LDB2: variants seen among roughly 807,000 people sequenced by gnomAD.
The protein encoded by LDB2 is LIM domain binding 2, also known as LIM domain-binding protein 2.
Under a neutral mutation model 44.3 loss-of-function variants are expected in LDB2, and 12 were observed. That is an observed-to-expected ratio of 0.27 (90% CI 0.17 to 0.44). The LOEUF is 0.44. LDB2 is among the 20% of genes least tolerant of loss of function. The pLI, the probability that LDB2 is intolerant of heterozygous loss-of-function variation, is 1.00. For synonymous variants in LDB2, 164 were observed against 174.8 expected (o/e 0.94, Z 0.49); for missense variants, 344 against 473.5 (o/e 0.73, Z 2.54).
rs1367971324 is a variant in LDB2 at position 16,862,132 on chromosome 4, C to T, written c.132+36222G>A. Among the ~76,000 whole-genome samples the T allele has an allele frequency of 4.6e-5, 7 of 152,298 alleles. No homozygotes were observed. In the East Asian group the frequency reaches 1.4e-3, roughly 29 times the overall value. On this transcript the variant is annotated intron_variant, in intron 1 of 7. Transcript: ENST00000304523. Reference sequence around the variant, plus strand: ...TTCCTGTTCCAAGGAGATTATTTTACAAGAATGGGCACAATCTCTGGGCTA... The same window carrying T: ...TTCCTGTTCCAAGGAGATTATTTTATAAGAATGGGCACAATCTCTGGGCTA...
chr4:16,730,774 T>C (rs2108915763), intron 2 of LDB2, among the ~76,000 whole-genome samples: 1 of 152,300 alleles, frequency 6.6e-6, no homozygotes, highest in South Asian at 2.1e-4. Context: ...CTTCCCACAC[T>C]GGGCCAAGAC....
At chr4:16,891,596 C>T (rs2110520184) in intron 1 of LDB2, among the ~76,000 whole-genome samples, 1 of 152,178 alleles carries the variant, frequency 6.6e-6, no homozygotes, top group Admixed American at 6.5e-5. Context: ...CAGGCTTGAG[C>T]CACCGTGCCC....
At chr4:16,761,370 G>T (rs1767878490) in intron 1 of LDB2, among the ~76,000 whole-genome samples, 1 of 152,198 alleles carries the variant, frequency 6.6e-6, no homozygotes, top group African/African-American at 2.4e-5. Flanking sequence ...AGGGGAGAAA[G>T]AGTTGAAAGG....
chr4:16,850,381 T>G (rs1300195459), intron 1 of LDB2, among the ~76,000 whole-genome samples: 1 of 152,084 alleles, frequency 6.6e-6, no homozygotes, highest in African/African-American at 2.4e-5. Context: ...AAAAAAAAAT[T>G]TGATGGTTAT....
intron 2 of LDB2, among the ~76,000 whole-genome samples, chr4:16,689,079 C>T (rs936315194): frequency 4.6e-5 from 7 of 152,176 alleles, no homozygotes; most frequent in African/African-American, 7.2e-5. Context: ...CTGCTACATG[C>T]CCTGGTGATG....
chr4:16,558,444 G>A (rs1005769424), intron 5 of LDB2, among the ~76,000 whole-genome samples: 1 of 152,164 alleles, frequency 6.6e-6, no homozygotes, highest in African/African-American at 2.4e-5. Context: ...GCGATCAACT[G>A]GAAGAAAGGG....
chr4:16,532,942 C>T (rs1485841244), intron 5 of LDB2, among the ~76,000 whole-genome samples: 1 of 152,138 alleles, frequency 6.6e-6, no homozygotes, highest in Non-Finnish European at 1.5e-5. Context: ...AGAAAGGGAG[C>T]CAGTCAACAG....
At chr4:16,890,443 T>C (rs1430062867) in intron 1 of LDB2, among the ~76,000 whole-genome samples, 1 of 152,206 alleles carries the variant, frequency 6.6e-6, no homozygotes, top group Admixed American at 6.5e-5. Context: ...CAGATTCCTC[T>C]TCTTCAGAGA....
intron 1 of LDB2, among the ~76,000 whole-genome samples, chr4:16,865,004 G>A (rs549527850): frequency 8.3e-4 from 126 of 152,226 alleles, no homozygotes; most frequent in African/African-American, 2.9e-3. Context: ...CCAGCACTTC[G>A]GGAGGCCGAA....
intron 1 of LDB2, among the ~76,000 whole-genome samples, chr4:16,885,550 C>CT (rs1447584032): frequency 6.6e-6 from 1 of 152,102 alleles, no homozygotes; most frequent in Admixed American, 6.6e-5. Context: ...TATCCCTTTT[C>CT]TTTTTGAATT....
In LDB2 at chr4:16,553,801, A is replaced by G. The variant is rs149369274; in HGVS notation, c.615+32121T>C. Among the ~76,000 whole-genome samples, 108 of 152,256 alleles carry G rather than the reference A, an allele frequency of 7.1e-4. 1 individual carries two copies. Among genetic ancestry groups the G allele is most frequent in the African/African-American group, 2.3e-3 (95 of 41,530 alleles). ...TGAAGTAGCTTAAATATTCCTCATAACAAGATAGGTACCACTAGTATCCCC... is the reference window on the plus strand; with the variant it reads ...TGAAGTAGCTTAAATATTCCTCATAGCAAGATAGGTACCACTAGTATCCCC... On this transcript the variant is annotated intron_variant, in intron 5 of 7. Transcript: ENST00000304523.
chr4:16,884,092 G>A (rs1720957456), intron 1 of LDB2, among the ~76,000 whole-genome samples: 1 of 152,152 alleles, frequency 6.6e-6, no homozygotes, highest in Non-Finnish European at 1.5e-5. Context: ...AGGGATCAGA[G>A]TGTTCTTGCT....
chr4:16,532,744 T>G (rs751327268), intron 5 of LDB2, among the ~76,000 whole-genome samples: 14 of 152,176 alleles, frequency 9.2e-5, no homozygotes, highest in Non-Finnish European at 1.8e-4. Flanking sequence ...ATAATAACCA[T>G]TATGGTTCCC....
chr4:16,802,064 C>G (rs541484284), intron 1 of LDB2, among the ~76,000 whole-genome samples: 147 of 152,276 alleles, frequency 9.7e-4, no homozygotes, highest in African/African-American at 3.4e-3. Flanking sequence ...TAGCCTTGCA[C>G]AGGTGAATTA....
chr4:16,790,396 T>C (rs573402318), intron 1 of LDB2, among the ~76,000 whole-genome samples: 3 of 152,268 alleles, frequency 2.0e-5, no homozygotes, highest in Admixed American at 1.3e-4. Context: ...TAAGGTTCTA[T>C]TGAAGCAAAT....
intron 2 of LDB2, among the ~76,000 whole-genome samples, chr4:16,661,052 G>A (rs987460277): frequency 1.3e-5 from 2 of 152,118 alleles, no homozygotes; most frequent in African/African-American, 4.8e-5. Context: ...ATTATACCCT[G>A]TTCTTTCCAA....
intron 1 of LDB2, among the ~76,000 whole-genome samples, chr4:16,851,644 G>A (rs983824489): frequency 3.9e-5 from 6 of 151,954 alleles, no homozygotes; most frequent in African/African-American, 1.4e-4. Flanking sequence ...TAGGTGAACA[G>A]GTAAACACAA....
At chr4:16,808,029 G>C (rs1020270281) in intron 1 of LDB2, among the ~76,000 whole-genome samples, 5 of 151,720 alleles carry the variant, frequency 3.3e-5, no homozygotes, top group African/African-American at 1.2e-4. Flanking sequence ...GAGCTTCTAT[G>C]CTAGGAAAAA....
chr4:16,888,081 C>T (rs1236088443), intron 1 of LDB2, among the ~76,000 whole-genome samples: 2 of 152,222 alleles, frequency 1.3e-5, no homozygotes, highest in African/African-American at 4.8e-5. Flanking sequence ...TCAGTCCAGA[C>T]ACGCAGGTGG....
Sources: gnomAD v4.1 joint callset for allele counts (sites outside exome capture counted in the v4.1 genomes callset) on GRCh38, gnomAD v4.1.1 for gene constraint, MANE v1.5 for transcripts, NCBI Gene and HGNC (gene_info 2026-07-23, HGNC 2026-07-21) for gene names.